The following TBCEL variants were observed in gnomAD, a reference collection of about 807,000 sequenced individuals.
TBCEL encodes the protein tubulin-specific chaperone cofactor E-like protein.
In TBCEL, 15 loss-of-function variants were observed where a neutral mutation model predicts 44.2. The ratio of observed to expected loss-of-function variants is 0.34; its 90% confidence interval spans 0.23 to 0.52. The LOEUF is 0.52. Among genes scored for constraint, TBCEL ranks in the 20% least tolerant of loss-of-function variants. The pLI is 0.95. For synonymous variants in TBCEL, 171 were observed against 185.4 expected (o/e 0.92, Z 0.63); for missense variants, 319 against 506.3 (o/e 0.63, Z 3.55).
Position 121,036,559 on chromosome 11 carries a change from G to A in TBCEL, c.-71G>A, listed in dbSNP as rs544909769. 1 of 152,188 alleles carries A rather than the reference G, an allele frequency of 6.6e-6. No homozygotes were observed. The highest frequency in any genetic ancestry group is 1.5e-5 in the Non-Finnish European group (1 of 68,044). The allele number at this position is 152,188 out of a possible 1,614,324, so 9.4% of individuals were successfully genotyped here. On this transcript the variant is annotated 5_prime_UTR_variant, in exon 2 of 9. Transcript: ENST00000683345. ...TTGGTTTAAACCAACATTTTTGGAC[G>A]AGGAGAGGCTATGGAAATGAAGAAA...
At chr11:121,029,386 T>C (rs1945104315) in intron 1 of TBCEL, among the ~76,000 whole-genome samples, 2 of 152,244 alleles carry the variant, frequency 1.3e-5, no homozygotes, top group Admixed American at 6.5e-5. Context: ...ACTAGTTTAT[T>C]GACCACTTAC....
intron 8 of TBCEL, among the ~76,000 whole-genome samples, chr11:121,079,061 A>G (rs1281062239): frequency 1.3e-5 from 2 of 152,264 alleles, no homozygotes; most frequent in South Asian, 2.1e-4. Context: ...GTTGAAACAA[A>G]TGTAGTTCCA....
chr11:121,036,439 G>T (rs1026555261), intron 1 of TBCEL, 66 bp from the exon 2 acceptor site: 1 of 152,228 alleles, frequency 6.6e-6, no homozygotes, highest in African/African-American at 2.4e-5. Flanking sequence ...GTCAGTGAAT[G>T]TTAAACCTTT....
intron 1 of TBCEL, among the ~76,000 whole-genome samples, chr11:121,024,524 TTGGGC>T (rs146741117): frequency 1.4e-4 from 20 of 145,000 alleles, no homozygotes; most frequent in Middle Eastern, 3.4e-3. Flanking sequence ...TGGGAGGGTC[TTGGGC>T]TGGGCTGGGC....
chr11:121,039,601 G>A (rs1426355385), intron 2 of TBCEL, among the ~76,000 whole-genome samples: 1 of 152,196 alleles, frequency 6.6e-6, no homozygotes, highest in Non-Finnish European at 1.5e-5. Flanking sequence ...AAACCTAATT[G>A]GGAGAATTTG....
chr11:121,070,711 G>A (rs576932571), intron 8 of TBCEL, among the ~76,000 whole-genome samples: 4 of 146,042 alleles, frequency 2.7e-5, no homozygotes, highest in Admixed American at 6.8e-5. Context: ...TGTGGGATTC[G>A]GGGAGGGGGG....
chr11:121,042,147 G>T (rs956623773), intron 2 of TBCEL, among the ~76,000 whole-genome samples: 2 of 152,082 alleles, frequency 1.3e-5, no homozygotes, highest in African/African-American at 4.8e-5. Context: ...CAGACAAAAG[G>T]TGCTGCTTAA....
intron 8 of TBCEL, among the ~76,000 whole-genome samples, chr11:121,080,116 C>T (rs1360211945): frequency 2.0e-5 from 3 of 152,004 alleles, no homozygotes; most frequent in Non-Finnish European, 2.9e-5. Flanking sequence ...CATGCCTGGC[C>T]GTATTTTTCT....
At chr11:121,045,587 C>A in intron 2 of TBCEL, 87 bp from the exon 3 acceptor site, 1 of 1,140,904 alleles carries the variant, frequency 8.8e-7, no homozygotes, top group Non-Finnish European at 1.2e-6. Flanking sequence ...TAGTCTAGTA[C>A]TTTATACATA....
chr11:121,088,229 T>C lies in TBCEL; in HGVS notation c.*1133T>C, dbSNP rs909073198. Reference sequence around the variant, plus strand: ...AAAGGGAGATTTTATTCCCAGGTTTTCCCTGGGACTTTGTGATATCATAAT... The same window carrying C: ...AAAGGGAGATTTTATTCCCAGGTTTCCCCTGGGACTTTGTGATATCATAAT... On this transcript the variant is annotated 3_prime_UTR_variant, in exon 9 of 9. Transcript: ENST00000683345. The C allele has an allele frequency of 6.6e-6, 1 of 152,232 alleles. No homozygotes were observed. Among genetic ancestry groups the C allele is most frequent in the African/African-American group, 2.4e-5 (1 of 41,466 alleles). 9.4% of individuals were successfully genotyped at this position (152,232 alleles called of 1,614,324 possible).
At chr11:121,071,628 C>A (rs1350903195) in intron 8 of TBCEL, among the ~76,000 whole-genome samples, 1 of 152,110 alleles carries the variant, frequency 6.6e-6, no homozygotes, top group Non-Finnish European at 1.5e-5. Flanking sequence ...TTTATGATGG[C>A]AAGGATTACA....
chr11:121,064,855 CT>C (rs532377642), intron 8 of TBCEL, among the ~76,000 whole-genome samples: 104 of 152,094 alleles, frequency 6.8e-4, no homozygotes, highest in Non-Finnish European at 1.4e-3. Flanking sequence ...GAGGAGGAGT[CT>C]CACTCTGTCG....
intron 8 of TBCEL, among the ~76,000 whole-genome samples, chr11:121,071,068 G>C (rs1945921796): frequency 6.6e-6 from 1 of 152,122 alleles, no homozygotes; most frequent in Non-Finnish European, 1.5e-5. Flanking sequence ...ATATCATTTA[G>C]AGAGAAAGAA....
intron 8 of TBCEL, among the ~76,000 whole-genome samples, chr11:121,071,663 T>C (rs988165512): frequency 6.6e-6 from 1 of 152,218 alleles, no homozygotes; most frequent in Non-Finnish European, 1.5e-5. Context: ...AATGCTGATT[T>C]GATTGTCATT....
At chr11:121,035,617 C>CATTA (rs1363438478) in intron 1 of TBCEL, 1 of 151,962 alleles carries the variant, frequency 6.6e-6, no homozygotes, top group Admixed American at 6.6e-5. Flanking sequence ...GTGGTCTGTT[C>CATTA]CTAATGAGGC....
At chr11:121,026,900 T>C (rs953650153) in intron 1 of TBCEL, among the ~76,000 whole-genome samples, 3 of 152,164 alleles carry the variant, frequency 2.0e-5, no homozygotes, top group African/African-American at 7.2e-5. Context: ...CCTGAGTGAT[T>C]GTGTGTGCTT....
intron 8 of TBCEL, among the ~76,000 whole-genome samples, chr11:121,066,924 A>T (rs1287450516): frequency 6.6e-6 from 1 of 152,304 alleles, no homozygotes; most frequent in Non-Finnish European, 1.5e-5. Flanking sequence ...AAAGAAAAAC[A>T]TTCTTTTTCA....
At position 121,081,478 on chromosome 11, in the gene TBCEL, G is replaced by T. The variant is rs541224994; in HGVS notation, c.957-5300G>T. 2.6e-5 allele frequency among the ~76,000 whole-genome samples: 4 copies of T among 152,268 alleles called. No individual in the cohort carries two copies. The East Asian group carries it at 7.7e-4, about 29-fold the overall frequency. ...TAATGGTCAGATGAAGATACTGATT[G>T]GTAGAATATAAATCAAAATCATTAA... On this transcript the variant is annotated intron_variant, in intron 8 of 8. Coordinates refer to ENST00000683345, the MANE Select transcript of TBCEL (RefSeq NM_001363644.2).
intron 8 of TBCEL, among the ~76,000 whole-genome samples, chr11:121,062,211 A>G (rs1945737305): frequency 6.6e-6 from 1 of 152,078 alleles, no homozygotes. Context: ...GCAGTGACAT[A>G]TATGGAGTCT....
Sources: allele counts gnomAD v4.1 joint callset (sites outside exome capture counted in the v4.1 genomes callset), GRCh38; gene constraint gnomAD v4.1.1; transcripts MANE v1.5; gene names NCBI Gene and HGNC (gene_info 2026-07-23, HGNC 2026-07-21).